The following PDPN variants were observed in gnomAD, a reference collection of about 807,000 sequenced individuals.
PDPN encodes PA2.26 antigen.
A neutral mutation model predicts 23.2 loss-of-function variants in PDPN; 12 were observed. The ratio of observed to expected loss-of-function variants is 0.52; its 90% confidence interval spans 0.33 to 0.84. The LOEUF (loss-of-function observed/expected upper bound fraction) is 0.84. PDPN is among the 40% of genes least tolerant of loss of function. The probability of loss-of-function intolerance (pLI) is 0.02; values close to 1 mark genes in which losing one functional copy is unlikely to be tolerated. For missense variants in PDPN, 199 were observed against 212.2 expected (o/e 0.94, Z 0.39); for synonymous variants, 77 against 76.7 (o/e 1.00, Z -0.02).
intron 1 of PDPN, chr1:13,595,876 G>T: frequency 3.1e-6 from 4 of 1,288,546 alleles, no homozygotes; most frequent in Non-Finnish European, 3.0e-6. Flanking sequence ...CAGCGGCAGG[G>T]ACATCATAAA....
chr1:13,595,737 G>A (rs1394966886), intron 1 of PDPN: 6 of 532,468 alleles, frequency 1.1e-5, no homozygotes, highest in African/African-American at 3.9e-5. Context: ...TGGGCATGGC[G>A]CTGCTCACAC....
intron 2 of PDPN, among the ~76,000 whole-genome samples, chr1:13,608,101 G>A (rs1000878959): frequency 1.5e-4 from 22 of 151,518 alleles, no homozygotes; most frequent in African/African-American, 1.9e-4. Context: ...GTGAAACTCC[G>A]CCTCAAAAAA....
intron 1 of PDPN, chr1:13,585,623 GCTC>G (rs759637176): frequency 1.5e-6 from 2 of 1,351,974 alleles, no homozygotes; most frequent in South Asian, 2.3e-5. Context: ...CCTTCAGCCG[GCTC>G]CTGAATGTCA....
intron 3 of PDPN, among the ~76,000 whole-genome samples, chr1:13,610,940 C>T (rs975203171): frequency 2.6e-5 from 4 of 152,320 alleles, no homozygotes; most frequent in South Asian, 2.1e-4. Context: ...ATCTGTTCTC[C>T]GCCTGGCGCG....
rs568657325 is a variant in PDPN, at chr1:13,586,431, G to C, written c.67+2331G>C. Among the ~76,000 whole-genome samples, 8 of 152,164 alleles carry C rather than the reference G, an allele frequency of 5.3e-5. No individual in the cohort carries two copies. In the South Asian group the frequency reaches 1.7e-3, roughly 32 times the overall value. ...AAAGCACAATTTAAAAAATGTGTCC[G>C]GGCATGAGAAGGCTAAGTCTGGACG... On this transcript the variant is annotated intron_variant, in intron 1 of 5. Transcript: ENST00000621990.
chr1:13,584,409 A>AG, intron 1 of PDPN: 1 of 1,114,498 alleles, frequency 9.0e-7, no homozygotes, highest in Non-Finnish European at 1.2e-6. Flanking sequence ...GGTTCACAGT[A>AG]GGCAGCCCCG....
intron 3 of PDPN, among the ~76,000 whole-genome samples, chr1:13,611,559 G>T (rs1640936548): frequency 1.3e-5 from 2 of 152,180 alleles, no homozygotes; most frequent in South Asian, 4.1e-4. Context: ...GTGGTGGTTT[G>T]CCAGGGGCTG....
At chr1:13,614,271 C>A in intron 4 of PDPN, 29 bp from the exon 5 acceptor site, 1 of 1,196,194 alleles carries the variant, frequency 8.4e-7, no homozygotes, top group Non-Finnish European at 1.2e-6. Flanking sequence ...TCCTCTGGGG[C>A]TCATGCTTTT....
At position 13,613,715 on chromosome 1, in the gene PDPN, A is replaced by G; in HGVS notation, c.360A>G (p.Thr120=). 6.6e-7 allele frequency: 1 copy of G among 1,505,628 alleles called. No individual in the cohort carries two copies. Among genetic ancestry groups the G allele is most frequent in the Non-Finnish European group, 9.2e-7 (1 of 1,081,888 alleles). 93.3% of individuals were successfully genotyped at this position (1,505,628 alleles called of 1,614,324 possible). A position where few individuals can be genotyped will look rare whatever the true frequency, so the allele number is the denominator to read the frequency against. Residue 120 remains threonine, a synonymous_variant, in exon 4 of 6, where the codon ACA becomes ACG. Transcript: ENST00000621990. ...AAGTGGATGGAGACACACAGACAAC[A>G]GTTGAGAAAGGTAGGCTAGATTTTG... The part of the protein sequence containing the change: ...TEKVDGDTQT[T]VEKDGLSTVT...
intron 1 of PDPN, among the ~76,000 whole-genome samples, chr1:13,604,025 C>T (rs1218536272): frequency 2.0e-5 from 3 of 152,136 alleles, no homozygotes; most frequent in Non-Finnish European, 4.4e-5. Context: ...TATGTGAGCA[C>T]GCTGGTACAC....
At chr1:13,605,697 A>T (rs1640768063) in intron 1 of PDPN, among the ~76,000 whole-genome samples, 1 of 152,000 alleles carries the variant, frequency 6.6e-6, no homozygotes, top group Non-Finnish European at 1.5e-5. Flanking sequence ...ATCTTGGCTC[A>T]CTGCAACCCC....
chr1:13,611,763 G>C (rs1640940750), intron 3 of PDPN, among the ~76,000 whole-genome samples: 1 of 152,114 alleles, frequency 6.6e-6, no homozygotes, highest in Admixed American at 6.5e-5. Flanking sequence ...TGTTGGCGGG[G>C]AGTGGGGGGA....
chr1:13,598,727 C>T lies in PDPN; in HGVS notation c.68-8446C>T, dbSNP rs138289095. 7.8e-3 allele frequency among the ~76,000 whole-genome samples: 1,182 copies of T among 152,270 alleles called. 14 individuals are homozygous for T. Among genetic ancestry groups the T allele is most frequent in the African/African-American group, 0.026 (1,099 of 41,558 alleles). On this transcript the variant is annotated intron_variant, in intron 1 of 5. Transcript: ENST00000621990. ...ACTGACCATCCTCCCTCCCGTGCAG[C>T]GCCCCATGCTCGTTCTGGGCTTTGG...
At chr1:13,604,642 A>G (rs1640737161) in intron 1 of PDPN, among the ~76,000 whole-genome samples, 3 of 152,094 alleles carry the variant, frequency 2.0e-5, no homozygotes, top group Admixed American at 1.3e-4. Context: ...TTTAAGTTAG[A>G]TACACCAAAT....
intron 3 of PDPN, 23 bp downstream of exon 3, chr1:13,610,539 TG>T: frequency 1.2e-6 from 2 of 1,607,762 alleles, no homozygotes; most frequent in Non-Finnish European, 1.7e-6. Flanking sequence ...GCCACCTCCA[TG>T]GGGGCTGATC....
chr1:13,588,216 C>T (rs1400326064), intron 1 of PDPN, among the ~76,000 whole-genome samples: 6 of 152,002 alleles, frequency 3.9e-5, no homozygotes, highest in Non-Finnish European at 7.4e-5. Context: ...CACAAAGTGC[C>T]GTAGGCAATA....
At chr1:13,613,810 C>G (rs1212450996) in intron 4 of PDPN, 85 bp downstream of exon 4, 3 of 655,330 alleles carry the variant, frequency 4.6e-6, no homozygotes, top group Admixed American at 2.2e-5. Context: ...GAATTGCGTT[C>G]TTTTCTGGAT....
rs1435897961 is a variant in PDPN at position 13,614,389 on chromosome 1, CG to C, written c.461del (p.Arg154GlnfsTer28). 35 of 1,585,766 alleles carry C rather than the reference CG, an allele frequency of 2.2e-5. No homozygotes were observed. Among genetic ancestry groups the C allele is most frequent in the African/African-American group, 2.7e-5 (2 of 74,298 alleles). ...FIGAIIVVVMRKMSGRYSP is the reference protein window; with the variant it reads ...FIGAIIVVVMXKMSGRYSP Reference sequence around the variant, plus strand: ...TGGTGCAATCATCGTTGTGGTTATGCGAAAAATGTCGGGAAGGTACTCGTAA... The same window carrying C: ...TGGTGCAATCATCGTTGTGGTTATGCAAAAATGTCGGGAAGGTACTCGTAA... On this transcript the variant is annotated frameshift_variant, in exon 5 of 6. Coordinates refer to ENST00000621990, the MANE Select transcript of PDPN (RefSeq NM_006474.5). LOFTEE classifies it high-confidence loss of function.
At chr1:13,584,196 A>T (rs557795298) in intron 1 of PDPN, 96 bp downstream of exon 1, 1 of 1,535,860 alleles carries the variant, frequency 6.5e-7, no homozygotes, top group South Asian at 1.2e-5. Flanking sequence ...GAGGTTGTCC[A>T]GGGGAGCGCG....
Sources: allele counts gnomAD v4.1 joint callset (sites outside exome capture counted in the v4.1 genomes callset), GRCh38; gene constraint gnomAD v4.1.1; transcripts MANE v1.5; gene names NCBI Gene and HGNC (gene_info 2026-07-23, HGNC 2026-07-21).